The following SND1 variants were observed in gnomAD, a reference collection of about 807,000 sequenced individuals.
SND1 encodes the protein staphylococcal nuclease domain-containing protein 1.
Under a neutral mutation model 121.7 loss-of-function variants are expected in SND1, and 38 were observed. The ratio of observed to expected loss-of-function variants is 0.31; its 90% CI spans 0.24 to 0.41. The LOEUF (loss-of-function observed/expected upper bound fraction) is 0.41, where lower values mean the gene tolerates loss of function less well. SND1 is among the 10% of genes least tolerant of loss of function. The pLI, the probability that SND1 is intolerant of heterozygous loss-of-function variation, is 1.00. For synonymous variants in SND1, 401 were observed against 447.4 expected, an observed-to-expected ratio of 0.90 and a Z score of 1.31; for missense variants, 868 against 1,184.6, an observed-to-expected ratio of 0.73 and a Z score of 3.92.
chr7:127,979,310 A>G (rs539765010), intron 15 of SND1, among the ~76,000 whole-genome samples: 1 of 152,356 alleles, frequency 6.6e-6, no homozygotes, highest in Admixed American at 6.5e-5. Context: ...TTACTTCTGT[A>G]GAAGGGTGCG....
At chr7:127,893,960 T>A (rs1046316757) in intron 13 of SND1, among the ~76,000 whole-genome samples, 7 of 152,070 alleles carry the variant, frequency 4.6e-5, no homozygotes, top group Non-Finnish European at 1.0e-4. Context: ...AGCACCAGTC[T>A]CTTGCTTTTT....
intron 12 of SND1, among the ~76,000 whole-genome samples, chr7:127,865,915 CTT>C (rs57998727): frequency 6.8e-4 from 97 of 143,406 alleles, no homozygotes; most frequent in Middle Eastern, 3.6e-3. Context: ...TTTATTTCTC[CTT>C]TTTTTTTTTT....
intron 16 of SND1, among the ~76,000 whole-genome samples, chr7:128,000,501 A>G (rs965769291): frequency 2.0e-5 from 3 of 151,484 alleles, no homozygotes; most frequent in South Asian, 2.1e-4. Flanking sequence ...TCAAGTAGGT[A>G]GGACTACAGG....
chr7:127,870,665 T>C (rs1424569705), intron 12 of SND1, among the ~76,000 whole-genome samples: 1 of 152,176 alleles, frequency 6.6e-6, no homozygotes, highest in Non-Finnish European at 1.5e-5. Context: ...AAAAGGTACT[T>C]ACCGTGAATG....
intron 6 of SND1, among the ~76,000 whole-genome samples, chr7:127,702,847 T>C (rs915770458): frequency 1.3e-5 from 2 of 152,132 alleles, no homozygotes; most frequent in Non-Finnish European, 2.9e-5. Flanking sequence ...AAAACATTCA[T>C]TTTGGTTTTT....
At chr7:127,689,603 A>G (rs1795876463) in intron 2 of SND1, among the ~76,000 whole-genome samples, 1 of 152,194 alleles carries the variant, frequency 6.6e-6, no homozygotes, top group African/African-American at 2.4e-5. Flanking sequence ...AGGTGAAAGG[A>G]TACTGTGTAA....
chr7:127,897,574 C>T (rs566808933), intron 13 of SND1, among the ~76,000 whole-genome samples: 19 of 152,158 alleles, frequency 1.2e-4, no homozygotes, highest in Admixed American at 2.0e-4. Context: ...ATAGAGTCCA[C>T]AAGAGAAGGC....
At chr7:127,878,461 G>A (rs116189286) in intron 12 of SND1, among the ~76,000 whole-genome samples, 1,893 of 152,262 alleles carry the variant, frequency 0.012, 51 homozygotes, top group African/African-American at 0.043. Context: ...GGTTGTCAAA[G>A]GTTATAGACA....
At chr7:127,964,589 G>A (rs979923023) in intron 15 of SND1, among the ~76,000 whole-genome samples, 1 of 151,978 alleles carries the variant, frequency 6.6e-6, no homozygotes, top group African/African-American at 2.4e-5. Context: ...ATTTCTGAGG[G>A]CCCTGTTCTG....
At chr7:128,048,933 C>T (rs1792999529) in intron 16 of SND1, among the ~76,000 whole-genome samples, 1 of 152,188 alleles carries the variant, frequency 6.6e-6, no homozygotes, top group East Asian at 1.9e-4. Flanking sequence ...CAGCTGTTCA[C>T]ACGGGTGTTT....
rs983743859 is a variant in SND1 at position 127,686,616 on chromosome 7, C to G, written c.82C>G (p.Leu28Val). Reference sequence around the variant, plus strand: ...TCTCTTTCTTCCCCCTACGTAGGTCCTCTCAGGGTGCGCCATCATTGTCCG... The same window carrying G: ...TCTCTTTCTTCCCCCTACGTAGGTCGTCTCAGGGTGCGCCATCATTGTCCG... ...TVQRGIIKMV[L>V]SGCAIIVRGQ... Residue 28 changes from leucine to valine, a missense_variant, in exon 2 of 24, where the codon CTC (leucine) becomes GTC (valine). Physicochemically the swap from Leu to Val is conservative, Grantham distance 32. Coordinates refer to ENST00000354725, the MANE Select transcript of SND1 (RefSeq NM_014390.4). The G allele has an allele frequency of 1.2e-6, 2 of 1,613,794 alleles. No homozygotes were observed. Among genetic ancestry groups the G allele is most frequent in the Non-Finnish European group, 1.7e-6 (2 of 1,179,762 alleles).
intron 11 of SND1, among the ~76,000 whole-genome samples, chr7:127,821,521 G>A (rs983094789): frequency 1.3e-5 from 2 of 151,996 alleles, no homozygotes; most frequent in Non-Finnish European, 2.9e-5. Flanking sequence ...CTGTGTCCTT[G>A]TTTTTTTCTG....
intron 16 of SND1, among the ~76,000 whole-genome samples, chr7:128,040,840 A>G (rs1792842630): frequency 1.3e-5 from 2 of 152,006 alleles, no homozygotes; most frequent in South Asian, 2.1e-4. Flanking sequence ...TCTGTTGTTC[A>G]TTTTCTTTAA....
rs146883346 is a variant in SND1 at position 128,090,737 on chromosome 7, G to A, written c.2622+1045G>A. On this transcript the variant is annotated intron_variant, in intron 22 of 23. Transcript: ENST00000354725. ...ACACCGCAAGCCCACATAATGTGTC[G>A]GTGGCTGTGCAGGCTGACGACTCAC... is the stretch of plus-strand genomic sequence containing the variant. Among the ~76,000 whole-genome samples the A allele has an allele frequency of 1.6e-3, 237 of 152,202 alleles. 9 individuals carry two copies. The East Asian group carries it at 0.038, about 24-fold the overall frequency.
At chr7:127,764,373 G>A (rs1797372168) in intron 10 of SND1, among the ~76,000 whole-genome samples, 1 of 152,234 alleles carries the variant, frequency 6.6e-6, no homozygotes, top group Non-Finnish European at 1.5e-5. Flanking sequence ...TACAGTGTGT[G>A]TGTGAATGCG....
At chr7:127,658,939 C>T (rs1182102953) in intron 1 of SND1, among the ~76,000 whole-genome samples, 2 of 152,236 alleles carry the variant, frequency 1.3e-5, no homozygotes, top group Non-Finnish European at 2.9e-5. Flanking sequence ...AGCTATCCAT[C>T]TGACAGGTGT....
At chr7:128,078,042 C>T (rs1456208204) in intron 17 of SND1, among the ~76,000 whole-genome samples, 1 of 152,212 alleles carries the variant, frequency 6.6e-6, no homozygotes, top group African/African-American at 2.4e-5. Flanking sequence ...CTGAGGATGG[C>T]TGTGGAAAGT....
chr7:127,844,501 T>C lies in SND1; in HGVS notation c.1343+77T>C, dbSNP rs561256883. The C allele has an allele frequency of 2.1e-5, 24 of 1,163,924 alleles. No individual in the cohort carries two copies. In the East Asian group the frequency reaches 5.8e-4, roughly 28 times the overall value. The allele number at this position is 1,163,924 out of a possible 1,614,324, so 72.1% of individuals were successfully genotyped here. A position where few individuals can be genotyped will look rare whatever the true frequency, so the allele number is the denominator to read the frequency against. ...TTCTTTGCTCATTTGAATCTTTCCT[T>C]CCTTTCACTCTGCTTTGCTTTCTCC... is the stretch of plus-strand genomic sequence containing the variant. On this transcript the variant is annotated intron_variant, in intron 12 of 23. Transcript: ENST00000354725.
At chr7:128,077,492 C>A (rs1236543933) in intron 17 of SND1, among the ~76,000 whole-genome samples, 2 of 152,212 alleles carry the variant, frequency 1.3e-5, no homozygotes, top group Non-Finnish European at 2.9e-5. Context: ...CATGGCAGAG[C>A]AGCCTGGAGC....
Sources: gnomAD v4.1 joint callset for allele counts (sites outside exome capture counted in the v4.1 genomes callset) on GRCh38, gnomAD v4.1.1 for gene constraint, MANE v1.5 for transcripts, NCBI Gene and HGNC (gene_info 2026-07-23, HGNC 2026-07-21) for gene names.